Variants in PDE4D observed in about 807,000 individuals in gnomAD.
The protein encoded by PDE4D is 3',5'-cyclic-AMP phosphodiesterase 4D.
A neutral mutation model predicts 87.4 loss-of-function variants in PDE4D; 24 were observed. The observed-to-expected ratio is 0.27, with a 90% confidence interval of 0.20 to 0.39. The LOEUF is 0.39. Among genes scored for constraint, PDE4D ranks in the 10% least tolerant of loss-of-function variants. The pLI, the probability that PDE4D is intolerant of heterozygous loss-of-function variation, is 1.00. For synonymous variants in PDE4D, 384 were observed against 383.2 expected, an observed-to-expected ratio of 1.00 and a Z score of -0.02; for missense variants, 714 against 1,041.0, an observed-to-expected ratio of 0.69 and a Z score of 4.32.
chr5:60,143,302 A>G (rs917405107), intron 2 of PDE4D, among the ~76,000 whole-genome samples: 1 of 152,238 alleles, frequency 6.6e-6, no homozygotes, highest in Admixed American at 6.5e-5. Context: ...CACATTACTA[A>G]CAGAGAAACA....
chr5:59,524,446 CTG>C (rs1812732477), intron 1 of PDE4D, among the ~76,000 whole-genome samples: 1 of 152,098 alleles, frequency 6.6e-6, no homozygotes, highest in Non-Finnish European at 1.5e-5. Flanking sequence ...ATCTGTGGAA[CTG>C]TGAATTAGAG....
At chr5:59,581,126 T>C (rs1429219670) in intron 1 of PDE4D, among the ~76,000 whole-genome samples, 2 of 152,062 alleles carry the variant, frequency 1.3e-5, no homozygotes, top group Admixed American at 6.6e-5. Flanking sequence ...TTTTGAGCTA[T>C]TGCAAAAATG....
chr5:59,914,969 C>A (rs753242617), intron 3 of PDE4D, among the ~76,000 whole-genome samples: 23 of 150,270 alleles, frequency 1.5e-4, no homozygotes, highest in Non-Finnish European at 3.0e-5. Context: ...CTTAGCAACC[C>A]AAATTATAGT....
At chr5:60,426,945 T>C (rs2150103881) in intron 1 of PDE4D, among the ~76,000 whole-genome samples, 1 of 152,222 alleles carries the variant, frequency 6.6e-6, no homozygotes, top group East Asian at 1.9e-4. Flanking sequence ...CAGGTCTGAA[T>C]AGCTGATTAG....
chr5:59,930,067 CAGG>C lies in PDE4D; in HGVS notation c.272+58418_272+58420del, dbSNP rs1453884463. ...GTCCCAGCTACTCGGGAGGCTGAGG[CAGG>C]AGAATGGCGTGAACCCGGGAGGCGG... On this transcript the variant is annotated intron_variant, in intron 3 of 16. Coordinates refer to the PDE4D transcript ENST00000502484. Among the ~76,000 whole-genome samples, 4 of 145,298 alleles carry C rather than the reference CAGG, an allele frequency of 2.8e-5. No individual in the cohort carries two copies. In the South Asian group the frequency reaches 8.9e-4, roughly 32 times the overall value.
At chr5:60,150,594 T>C (rs1040724147) in intron 2 of PDE4D, among the ~76,000 whole-genome samples, 7 of 152,260 alleles carry the variant, frequency 4.6e-5, no homozygotes, top group African/African-American at 1.7e-4. Flanking sequence ...TTTCGCATGG[T>C]AAATAGCCAT....
At chr5:60,447,866 A>T (rs1745774278) in intron 1 of PDE4D, among the ~76,000 whole-genome samples, 1 of 152,152 alleles carries the variant, frequency 6.6e-6, no homozygotes, top group South Asian at 2.1e-4. Flanking sequence ...CCGTTACTAT[A>T]CTAGGAGGGT....
intron 1 of PDE4D, among the ~76,000 whole-genome samples, chr5:59,426,588 AC>A (rs149644323): frequency 0.036 from 5,524 of 151,792 alleles, 147 homozygotes; most frequent in East Asian, 0.11. Flanking sequence ...TCCCACAAGC[AC>A]CCCCCTACCA....
rs934465392 is a variant in PDE4D at position 59,705,132 on chromosome 5, C to CT, written c.455+188035dup. Among the ~76,000 whole-genome samples the CT allele has an allele frequency of 4.6e-5, 7 of 152,128 alleles. No homozygotes were observed. In the East Asian group the frequency reaches 1.4e-3, roughly 29 times the overall value. On this transcript the variant is annotated intron_variant, in intron 1 of 14. Coordinates refer to ENST00000340635, the MANE Select transcript of PDE4D (RefSeq NM_001104631.2). Reference sequence around the variant, plus strand: ...ACAGCTGTTTCTGTGAGGGATTTTTCTTTTTTTGGAATTTAATATTGACTG... The same window carrying CT: ...ACAGCTGTTTCTGTGAGGGATTTTTCTTTTTTTTGGAATTTAATATTGACTG...
At chr5:59,885,697 C>G (rs1561816013) in intron 1 of PDE4D, among the ~76,000 whole-genome samples, 1 of 151,530 alleles carries the variant, frequency 6.6e-6, no homozygotes, top group African/African-American at 2.4e-5. Flanking sequence ...GGGGCTTTAT[C>G]CCATCAGAGT....
intron 1 of PDE4D, among the ~76,000 whole-genome samples, chr5:60,445,734 C>T (rs1174652040): frequency 6.6e-6 from 1 of 152,010 alleles, no homozygotes; most frequent in Non-Finnish European, 1.5e-5. Flanking sequence ...CAACATTATG[C>T]CCATAGTTAA....
intron 2 of PDE4D, among the ~76,000 whole-genome samples, chr5:60,146,719 T>A (rs866238556): frequency 1.2e-4 from 19 of 152,274 alleles, no homozygotes; most frequent in Middle Eastern, 3.4e-3. Context: ...AATATTTGCA[T>A]CCGATATGAA....
intron 3 of PDE4D, among the ~76,000 whole-genome samples, chr5:59,933,555 T>C (rs974809748): frequency 3.9e-5 from 6 of 152,190 alleles, no homozygotes; most frequent in African/African-American, 9.7e-5. Context: ...ATAGAAATTA[T>C]CTATGTCCTC....
chr5:59,386,769 C>T (rs1787142246), intron 1 of PDE4D, among the ~76,000 whole-genome samples: 1 of 151,954 alleles, frequency 6.6e-6, no homozygotes, highest in South Asian at 2.1e-4. Flanking sequence ...AATTGCTGCA[C>T]AAAGCATCTT....
chr5:59,620,569 C>A (rs996218960), intron 1 of PDE4D, among the ~76,000 whole-genome samples: 1 of 152,022 alleles, frequency 6.6e-6, no homozygotes, highest in African/African-American at 2.4e-5. Flanking sequence ...AAGTCAAGAT[C>A]AGTGGATATA....
At chr5:59,247,722 T>C (rs35310) in intron 1 of PDE4D, among the ~76,000 whole-genome samples, 1 of 151,862 alleles carries the variant, frequency 6.6e-6, no homozygotes, top group Non-Finnish European at 1.5e-5. Context: ...CACTTGAACC[T>C]CACCTGCTGC....
intron 1 of PDE4D, among the ~76,000 whole-genome samples, chr5:60,458,003 G>A (rs923339308): frequency 6.6e-6 from 1 of 152,106 alleles, no homozygotes. Context: ...AGAACCACTG[G>A]AGCTATGAGC....
chr5:59,287,862 G>T (rs1439285482), intron 1 of PDE4D, among the ~76,000 whole-genome samples: 1 of 152,026 alleles, frequency 6.6e-6, no homozygotes, highest in East Asian at 1.9e-4. Context: ...GACTACTAAG[G>T]TGGTACCTCT....
chr5:59,191,159 G>T (rs950930332), intron 3 of PDE4D, among the ~76,000 whole-genome samples: 2 of 152,120 alleles, frequency 1.3e-5, no homozygotes, highest in African/African-American at 4.8e-5. Context: ...ATATATGTGT[G>T]TATTTCCCAA....
Sources: allele counts gnomAD v4.1 joint callset (sites outside exome capture counted in the v4.1 genomes callset), GRCh38; gene constraint gnomAD v4.1.1; transcripts MANE v1.5; gene names NCBI Gene and HGNC (gene_info 2026-07-23, HGNC 2026-07-21).